The following CD5L variants were observed in gnomAD, a reference collection of about 807,000 sequenced individuals.
CD5L encodes the protein CD5 molecule like, also known as CD5 antigen-like.
Under a neutral mutation model 40.8 loss-of-function variants are expected in CD5L, and 39 were observed. The ratio of observed to expected loss-of-function variants is 0.96; its 90% CI spans 0.74 to 1.25. The LOEUF (loss-of-function observed/expected upper bound fraction) is 1.25. CD5L is among the 50% of genes most tolerant of loss of function. The probability of loss-of-function intolerance (pLI) is 0.00; values close to 1 mark genes in which losing one functional copy is unlikely to be tolerated. For synonymous variants in CD5L, 192 were observed against 169.6 expected, an observed-to-expected ratio of 1.13 and a Z score of -1.03; for missense variants, 433 against 435.9, an observed-to-expected ratio of 0.99 and a Z score of 0.06.
chr1:157,833,958 C>CA (rs1656120659), intron 4 of CD5L, among the ~76,000 whole-genome samples: 2 of 152,168 alleles, frequency 1.3e-5, no homozygotes, highest in African/African-American at 4.8e-5. Flanking sequence ...ACATTTGAAA[C>CA]TCTCCACATG....
intron 3 of CD5L, among the ~76,000 whole-genome samples, chr1:157,835,597 A>C (rs1656187836): frequency 2.0e-5 from 3 of 152,218 alleles, no homozygotes; most frequent in Non-Finnish European, 4.4e-5. Flanking sequence ...TAAGAGAAAC[A>C]AGTTCTCATA....
At position 157,836,094 on chromosome 1, in the gene CD5L, C is replaced by T. The variant is rs775603294; in HGVS notation, c.117G>A (p.Val39=). The T allele has an allele frequency of 3.1e-6, 5 of 1,614,066 alleles. No homozygotes were observed. The South Asian group carries it at 5.5e-5, about 18-fold the overall frequency. The change falls in exon 3 of 6, where the codon GTG becomes GTA. Residue 39 remains valine (V), a synonymous_variant. Coordinates refer to ENST00000368174, the MANE Select transcript of CD5L (RefSeq NM_005894.3). ...CGGTGCCCCACTGGCCTTTCTGTTCCACCTCCACCCGCCCTTCACAGCGGT... is the reference window on the plus strand; with the variant it reads ...CGGTGCCCCACTGGCCTTTCTGTTCTACCTCCACCCGCCCTTCACAGCGGT... ...GLHRCEGRVE[V]EQKGQWGTVC... is the part of the protein sequence containing the mutation.
At position 157,834,703 on chromosome 1, in the gene CD5L, G is replaced by T. The variant is rs1173703759; in HGVS notation, c.422C>A (p.Ala141Asp). Residue 141 changes from alanine (A) to aspartate (D), a missense_variant, in exon 4 of 6, where the codon GCT (alanine) becomes GAT (aspartate). Ala to Asp is a moderately radical substitution (Grantham distance 126, BLOSUM62 -2). Coordinates refer to ENST00000368174, the MANE Select transcript of CD5L (RefSeq NM_005894.3). Reference protein sequence around the residue: ...FSPVPEGVRLADGPGHCKGRV... With the variant: ...FSPVPEGVRLDDGPGHCKGRV... ...TCCCTTGCAATGCCCAGGGCCGTCA[G>T]CCAGCCTGACACCCTCTGGGACTGG... 5.0e-6 allele frequency: 8 copies of T among 1,614,170 alleles called. No homozygotes were observed. The highest frequency in any genetic ancestry group is 1.3e-5 in the African/African-American group (1 of 75,052).
At chr1:157,833,879 G>T (rs937675192) in intron 4 of CD5L, among the ~76,000 whole-genome samples, 3 of 151,078 alleles carry the variant, frequency 2.0e-5, no homozygotes, top group African/African-American at 7.3e-5. Context: ...CCATAGTGCT[G>T]GTATTATAGG....
intron 4 of CD5L, among the ~76,000 whole-genome samples, 160 bp downstream of exon 4, chr1:157,834,247 T>C (rs959288934): frequency 6.6e-6 from 1 of 152,244 alleles, no homozygotes; most frequent in African/African-American, 2.4e-5. Flanking sequence ...TGGGTATTAT[T>C]ATCTCCATTT....
At chr1:157,835,218 C>A (rs1345664366) in intron 3 of CD5L, among the ~76,000 whole-genome samples, 2 of 152,134 alleles carry the variant, frequency 1.3e-5, no homozygotes, top group Non-Finnish European at 2.9e-5. Context: ...GAAACAAATT[C>A]TGTGGGCAGA....
At chr1:157,834,126 C>A (rs1262865081) in intron 4 of CD5L, among the ~76,000 whole-genome samples, 2 of 152,100 alleles carry the variant, frequency 1.3e-5, no homozygotes, top group African/African-American at 4.8e-5. Context: ...AATTGAAGAA[C>A]TTAACAGATA....
intron 1 of CD5L, among the ~76,000 whole-genome samples, chr1:157,840,942 T>C (rs1374686896): frequency 6.6e-6 from 1 of 152,180 alleles, no homozygotes; most frequent in Non-Finnish European, 1.5e-5. Context: ...GCTTTGGTGA[T>C]GTACTAGATC....
chr1:157,838,907 C>A (rs1189431397), intron 2 of CD5L, among the ~76,000 whole-genome samples: 1 of 152,150 alleles, frequency 6.6e-6, no homozygotes, highest in African/African-American at 2.4e-5. Context: ...TTGTGCATTA[C>A]CCAAAGACTC....
chr1:157,829,734 G>T (rs1655995685), downstream of CD5L, among the ~76,000 whole-genome samples: 1 of 152,058 alleles, frequency 6.6e-6, no homozygotes, highest in South Asian at 2.1e-4. Context: ...ATTATCTGGG[G>T]TTCTTTTGGT....
At chr1:157,827,302 G>C (rs1016335774), downstream of CD5L, among the ~76,000 whole-genome samples, 5 of 150,898 alleles carry the variant, frequency 3.3e-5, no homozygotes, top group Non-Finnish European at 5.9e-5. Flanking sequence ...GTGTGTGTGT[G>C]TGTGTGTGTG....
chr1:157,837,098 G>T (rs1226615159), intron 2 of CD5L, among the ~76,000 whole-genome samples: 2 of 151,898 alleles, frequency 1.3e-5, no homozygotes, highest in Admixed American at 1.3e-4. Context: ...CTCTACTAAA[G>T]AAAATAAATA....
chr1:157,828,052 C>T (rs1031340128), downstream of CD5L, among the ~76,000 whole-genome samples: 2 of 152,084 alleles, frequency 1.3e-5, no homozygotes, highest in African/African-American at 4.8e-5. Flanking sequence ...TCAAATTAAC[C>T]TTTGATGGAG....
chr1:157,829,571 C>G (rs1655992095), downstream of CD5L, among the ~76,000 whole-genome samples: 1 of 150,862 alleles, frequency 6.6e-6, no homozygotes, highest in African/African-American at 2.4e-5. Flanking sequence ...AGAAATAGGC[C>G]TCTGTTTATA....
chr1:157,835,801 C>T (rs199873957), intron 3 of CD5L, 34 bp downstream of exon 3: 1 of 1,548,722 alleles, frequency 6.5e-7, no homozygotes, highest in Non-Finnish European at 8.8e-7. Context: ...GGTATGGCAG[C>T]TGGCAAGTGG....
chr1:157,831,508 C>T lies in CD5L; in HGVS notation c.*456G>A. On this transcript the variant is annotated 3_prime_UTR_variant, in exon 6 of 6. Transcript: ENST00000368174. ...CCCCCAAGTTGCAAGAAATTGTCTA[C>T]CCACATTTTCTTTCAAATGTTCCTT... is the stretch of plus-strand genomic sequence containing the variant. 1 of 987,250 alleles carries T rather than the reference C, an allele frequency of 1.0e-6. No homozygotes were observed. Among genetic ancestry groups the T allele is most frequent in the Non-Finnish European group, 1.2e-6 (1 of 831,394 alleles). 61.2% of individuals were successfully genotyped at this position (987,250 alleles called of 1,614,324 possible). A position where few individuals can be genotyped will look rare whatever the true frequency, so the allele number is the denominator to read the frequency against.
chr1:157,836,326 GTCTGAGTTCTGGT>G (rs1244607385), intron 2 of CD5L, among the ~76,000 whole-genome samples, 171 bp from the exon 3 acceptor site: 1 of 152,214 alleles, frequency 6.6e-6, no homozygotes, highest in Non-Finnish European at 1.5e-5. Flanking sequence ...AGAACTCCGT[GTCTGAGTTCTGGT>G]TCTGCTACAG....
intron 2 of CD5L, among the ~76,000 whole-genome samples, 171 bp from the exon 3 acceptor site, chr1:157,836,326 G>T (rs1249939313): frequency 2.0e-5 from 3 of 152,214 alleles, no homozygotes; most frequent in Non-Finnish European, 4.4e-5. Flanking sequence ...AGAACTCCGT[G>T]TCTGAGTTCT....
At chr1:157,836,518 A>G (rs550777763) in intron 2 of CD5L, among the ~76,000 whole-genome samples, 1 of 152,322 alleles carries the variant, frequency 6.6e-6, no homozygotes, top group South Asian at 2.1e-4. Context: ...AGTCCACCCC[A>G]TTATTTCACA....
Sources: gnomAD v4.1 joint callset for allele counts (sites outside exome capture counted in the v4.1 genomes callset) on GRCh38, gnomAD v4.1.1 for gene constraint, MANE v1.5 for transcripts, NCBI Gene and HGNC (gene_info 2026-07-23, HGNC 2026-07-21) for gene names.